Variants in ZBTB20 observed in about 807,000 individuals in gnomAD.
The protein encoded by ZBTB20 is zinc finger and BTB domain containing 20.
Under a neutral mutation model 56.9 loss-of-function variants are expected in ZBTB20, and 9 were observed. The observed-to-expected ratio is 0.16, with a 90% CI of 0.10 to 0.28. The LOEUF is 0.28. Ranked by LOEUF, ZBTB20 falls within the 10% of genes least tolerant of loss-of-function variation. ZBTB20 has a pLI of 1.00. For missense variants in ZBTB20, 655 were observed against 1,003.0 expected, an observed-to-expected ratio of 0.65 and a Z score of 4.69; for synonymous variants, 417 against 420.7, an observed-to-expected ratio of 0.99 and a Z score of 0.11.
chr3:114,989,455 C>A (rs1256562727), intron 2 of ZBTB20, among the ~76,000 whole-genome samples: 1 of 151,942 alleles, frequency 6.6e-6, no homozygotes, highest in Non-Finnish European at 1.5e-5. Context: ...TGTTCCATTG[C>A]TCTATCTCTC....
intron 5 of ZBTB20, among the ~76,000 whole-genome samples, chr3:114,698,809 A>C (rs2063216640): frequency 6.6e-6 from 1 of 152,136 alleles, no homozygotes; most frequent in South Asian, 2.1e-4. Context: ...TACTCTGTCC[A>C]CTTGTCAAAG....
chr3:114,729,425 T>C (rs1426371905), intron 5 of ZBTB20, among the ~76,000 whole-genome samples: 1 of 152,224 alleles, frequency 6.6e-6, no homozygotes, highest in East Asian at 1.9e-4. Context: ...CTATCTCTTT[T>C]TATTTTTACT....
intron 2 of ZBTB20, among the ~76,000 whole-genome samples, chr3:115,006,067 T>C (rs547570646): frequency 6.6e-6 from 1 of 151,864 alleles, no homozygotes; most frequent in Non-Finnish European, 1.5e-5. Flanking sequence ...TTTTCTTCTA[T>C]GGAGGCTTCA....
At chr3:115,044,206 A>G (rs1018484588) in intron 2 of ZBTB20, among the ~76,000 whole-genome samples, 1 of 152,024 alleles carries the variant, frequency 6.6e-6, no homozygotes, top group Non-Finnish European at 1.5e-5. Flanking sequence ...AGAATGGCCT[A>G]CTACACTCTC....
chr3:114,339,544 A>C lies in ZBTB20; in HGVS notation c.1805-118T>G. On this transcript the variant is annotated intron_variant, in intron 11 of 11. Transcript: ENST00000675478. The surrounding 1 kb of genome is among the most constrained non-coding windows in gnomAD (Gnocchi z 4.2). Reference sequence around the variant, plus strand: ...AAAAATAAAACAATTAAAAAATAAAATTTGATTGCTTAATGGATCATCCTC... The same window carrying C: ...AAAAATAAAACAATTAAAAAATAAACTTTGATTGCTTAATGGATCATCCTC... The C allele has an allele frequency of 8.3e-7, 1 of 1,209,074 alleles. No individual in the cohort carries two copies. Among genetic ancestry groups the C allele is most frequent in the Non-Finnish European group, 1.1e-6 (1 of 893,380 alleles). The allele number at this position is 1,209,074 out of a possible 1,614,324, so 74.9% of individuals were successfully genotyped here.
chr3:114,462,097 T>C (rs557667744), intron 7 of ZBTB20, among the ~76,000 whole-genome samples: 2 of 152,304 alleles, frequency 1.3e-5, no homozygotes, highest in South Asian at 2.1e-4. Context: ...AGATCATGCA[T>C]ATGAAAACAC....
At chr3:114,871,887 G>T (rs534766220) in intron 4 of ZBTB20, among the ~76,000 whole-genome samples, 14 of 151,972 alleles carry the variant, frequency 9.2e-5, no homozygotes, top group Non-Finnish European at 2.1e-4. Context: ...ACAACACATA[G>T]GACCTTCAAA....
In ZBTB20 at chr3:114,416,302, T is replaced by A. The variant is rs1164469543; in HGVS notation, c.-254-27197A>T. ...CTGATCATTGTGGTCAGACATATGA[T>A]AATTTCAATTCCTTAGCAATACTTA... On this transcript the variant is annotated intron_variant, in intron 7 of 11. Transcript: ENST00000675478. 3.5e-5 allele frequency among the ~76,000 whole-genome samples: 5 copies of A among 144,170 alleles called. No homozygotes were observed. In the East Asian group the frequency reaches 6.2e-4, roughly 18 times the overall value. 94.6% of individuals were successfully genotyped at this position (144,170 alleles called of 152,430 possible). A position where few individuals can be genotyped will look rare whatever the true frequency, so the allele number is the denominator to read the frequency against.
intron 5 of ZBTB20, among the ~76,000 whole-genome samples, chr3:114,698,194 A>G (rs1270510194): frequency 1.3e-5 from 2 of 152,098 alleles, no homozygotes; most frequent in African/African-American, 4.8e-5. Flanking sequence ...TATTTTACCC[A>G]TCTCCTTTAA....
chr3:114,740,081 A>G (rs945385773), intron 5 of ZBTB20, among the ~76,000 whole-genome samples: 27 of 152,238 alleles, frequency 1.8e-4, no homozygotes, highest in African/African-American at 2.7e-4. Flanking sequence ...TGATCTGGAA[A>G]GAGCAGTTTT....
chr3:114,863,487 G>T (rs1476951394), intron 4 of ZBTB20, among the ~76,000 whole-genome samples: 4 of 152,066 alleles, frequency 2.6e-5, no homozygotes, highest in African/African-American at 4.8e-5. Flanking sequence ...AAATTATCTA[G>T]AGATTAATAA....
intron 3 of ZBTB20, among the ~76,000 whole-genome samples, chr3:114,924,211 C>T (rs1002556361): frequency 5.9e-5 from 9 of 152,078 alleles, no homozygotes; most frequent in African/African-American, 1.7e-4. Flanking sequence ...GGGTTTATAT[C>T]CAAAGGAAAT....
chr3:114,339,157 G>A lies in ZBTB20; in HGVS notation c.2074C>T (p.Pro692Ser), dbSNP rs777766086. Residue 692 changes from proline (P) to serine (S), a missense_variant, in exon 12 of 12, where the codon CCT becomes TCT. Coordinates refer to ENST00000675478, the MANE Select transcript of ZBTB20 (RefSeq NM_001348800.3). This position sits in a 1 kb window ranked among gnomAD's most constrained non-coding sequence, Gnocchi z 4.2. ...ALHSASNGTP[P>S]AGTPPGARAG... ...CGGGCACCTGGGGGTGTGCCTGCAG[G>A]GGGGGTCCCATTGCTGGCACTGTGC... 1.2e-6 allele frequency: 2 copies of A among 1,613,938 alleles called. No homozygotes were observed. The highest frequency in any genetic ancestry group is 1.3e-5 in the African/African-American group (1 of 74,942).
At chr3:114,688,784 T>C (rs17619727) in intron 6 of ZBTB20, among the ~76,000 whole-genome samples, 6,663 of 152,212 alleles carry the variant, frequency 0.044, 206 homozygotes, top group Non-Finnish European at 0.065. Flanking sequence ...ATACCACAAA[T>C]ACATTAGGTT....
At chr3:114,931,745 G>T (rs1261514311) in intron 3 of ZBTB20, among the ~76,000 whole-genome samples, 2 of 151,560 alleles carry the variant, frequency 1.3e-5, no homozygotes, top group Admixed American at 1.3e-4. Flanking sequence ...GCCTTTAAAA[G>T]CTTTTAAATT....
intron 6 of ZBTB20, among the ~76,000 whole-genome samples, chr3:114,682,206 G>C (rs2062016165): frequency 6.6e-6 from 1 of 152,060 alleles, no homozygotes. Context: ...AGTGTTCACA[G>C]TGTTTTACCA....
intron 5 of ZBTB20, among the ~76,000 whole-genome samples, chr3:114,726,713 T>C (rs182530083): frequency 8.8e-4 from 134 of 151,624 alleles, no homozygotes; most frequent in East Asian, 2.7e-3. Context: ...GAAATCATGA[T>C]CATCCTGGCT....
chr3:114,779,545 G>A (rs1017231096), intron 5 of ZBTB20, among the ~76,000 whole-genome samples: 3 of 152,132 alleles, frequency 2.0e-5, no homozygotes, highest in African/African-American at 7.2e-5. Context: ...ATAAATTATT[G>A]AGTGCTATAG....
chr3:114,752,014 T>C (rs1239585254), intron 5 of ZBTB20, among the ~76,000 whole-genome samples: 2 of 152,176 alleles, frequency 1.3e-5, no homozygotes, highest in Non-Finnish European at 2.9e-5. Flanking sequence ...ATAATACTAG[T>C]AATCACCAAT....
Sources: gnomAD v4.1 joint callset for allele counts (sites outside exome capture counted in the v4.1 genomes callset) on GRCh38, gnomAD v4.1.1 for gene constraint, Gnocchi (gnomAD v3.1) non-coding constraint, MANE v1.5 for transcripts, NCBI Gene and HGNC (gene_info 2026-07-23, HGNC 2026-07-21) for gene names.